The following SORCS2 variants were observed in gnomAD, a reference collection of about 807,000 sequenced individuals.
SORCS2 encodes VPS10 domain-containing receptor SorCS2.
In SORCS2, 100 loss-of-function variants were observed where a neutral mutation model predicts 141.6. The ratio of observed to expected loss-of-function variants is 0.71; its 90% CI spans 0.60 to 0.83. SORCS2 has a LOEUF of 0.83. Among genes scored for constraint, SORCS2 ranks in the 40% least tolerant of loss-of-function variants. The pLI is 0.00. For synonymous variants in SORCS2, 789 were observed against 676.9 expected, an observed-to-expected ratio of 1.17 and a Z score of -2.57; for missense variants, 1,646 against 1,560.2, an observed-to-expected ratio of 1.05 and a Z score of -0.93.
In SORCS2 at chr4:7,547,267, A is replaced by G. The variant is rs2109616976; in HGVS notation, c.648+15638A>G. Among the ~76,000 whole-genome samples, 2 of 152,186 alleles carry G rather than the reference A, an allele frequency of 1.3e-5. 1 individual carries two copies. Among genetic ancestry groups the G allele is most frequent in the South Asian group, 4.2e-4 (2 of 4,818 alleles). ...GCTGCCAGCCCACACTACCTTCGCT[A>G]CTGTCTCCTCTCACCAAGCTGACTC... On this transcript the variant is annotated intron_variant, in intron 3 of 26. Transcript: ENST00000507866.
intron 2 of SORCS2, among the ~76,000 whole-genome samples, chr4:7,411,074 G>C (rs866685014): frequency 7.6e-5 from 11 of 145,280 alleles, no homozygotes; most frequent in Non-Finnish European, 1.3e-4. Flanking sequence ...TCCTACCTCA[G>C]CCTCCCGAGT....
At chr4:7,724,981 G>A (rs1176682879) in intron 19 of SORCS2, among the ~76,000 whole-genome samples, 173 bp from the exon 20 acceptor site, 8 of 135,268 alleles carry the variant, frequency 5.9e-5, no homozygotes, top group Non-Finnish European at 1.1e-4. Context: ...GTGTTGGTGG[G>A]AATGGATGGT....
rs775686720 is a variant in SORCS2 at position 7,726,857 on chromosome 4, C to A, written c.2823C>A (p.Ala941=). ...TGDVRVTVQA[A]CGNSVLQDSR... ...ACGTGCGTGTGACGGTGCAGGCCGC[C>A]TGTGGGAACTCGGTGCTGCAGGACT... The change falls in exon 21 of 27, where the codon GCC becomes GCA. Residue 941 remains alanine (A), a synonymous_variant. Transcript: ENST00000507866. 3 of 1,613,776 alleles carry A rather than the reference C, an allele frequency of 1.9e-6. No homozygotes were observed.
chr4:7,701,928 G>C (rs1158156667), intron 12 of SORCS2, among the ~76,000 whole-genome samples: 1 of 152,152 alleles, frequency 6.6e-6, no homozygotes, highest in African/African-American at 2.4e-5. Context: ...GTGCACATGA[G>C]GCCCCGTTAG....
At chr4:7,615,861 C>G (rs1718726670) in intron 3 of SORCS2, among the ~76,000 whole-genome samples, 1 of 152,234 alleles carries the variant, frequency 6.6e-6, no homozygotes, top group Non-Finnish European at 1.5e-5. Context: ...TCCATTCTCT[C>G]ATAGGGCTGC....
chr4:7,721,739 C>G (rs967648302), intron 18 of SORCS2, among the ~76,000 whole-genome samples: 2 of 152,206 alleles, frequency 1.3e-5, no homozygotes, highest in Admixed American at 1.3e-4. Flanking sequence ...ATTGTCCTGT[C>G]TCTTTCCTGT....
intron 3 of SORCS2, among the ~76,000 whole-genome samples, chr4:7,595,022 A>G (rs1717166186): frequency 6.6e-6 from 1 of 152,070 alleles, no homozygotes; most frequent in Admixed American, 6.5e-5. Flanking sequence ...TTGACTTACT[A>G]TCAGATCCAG....
intron 8 of SORCS2, among the ~76,000 whole-genome samples, chr4:7,668,085 A>G (rs532838190): frequency 6.6e-6 from 1 of 152,350 alleles, no homozygotes; most frequent in South Asian, 2.1e-4. Context: ...CACCAAATAT[A>G]AACCAGAATG....
chr4:7,603,654 TAA>T (rs1717880216), intron 3 of SORCS2, among the ~76,000 whole-genome samples: 1 of 152,234 alleles, frequency 6.6e-6, no homozygotes. Flanking sequence ...TTTGGGGGCC[TAA>T]TTAATTCCTC....
chr4:7,427,365 C>T (rs1453235210), intron 2 of SORCS2, among the ~76,000 whole-genome samples: 1 of 152,122 alleles, frequency 6.6e-6, no homozygotes, highest in Non-Finnish European at 1.5e-5. Flanking sequence ...AGAGCACTGT[C>T]CCTCCCTGGG....
At chr4:7,276,922 T>C (rs1315771554) in intron 1 of SORCS2, among the ~76,000 whole-genome samples, 1 of 152,072 alleles carries the variant, frequency 6.6e-6, no homozygotes. Flanking sequence ...AGGGCCAGGA[T>C]TGGAAGGGAA....
intron 1 of SORCS2, among the ~76,000 whole-genome samples, chr4:7,306,389 C>G (rs12500083): frequency 0.018 from 2,747 of 152,254 alleles, 52 homozygotes; most frequent in Middle Eastern, 0.068. Context: ...AGGATCAGGT[C>G]TGAAGGAGCC....
intron 2 of SORCS2, among the ~76,000 whole-genome samples, chr4:7,492,611 A>G (rs1481186000): frequency 6.6e-6 from 1 of 152,176 alleles, no homozygotes. Flanking sequence ...TCTAATTTTG[A>G]GGAACGTCTG....
At chr4:7,413,890 C>G (rs1725491666) in intron 2 of SORCS2, among the ~76,000 whole-genome samples, 1 of 152,118 alleles carries the variant, frequency 6.6e-6, no homozygotes, top group Non-Finnish European at 1.5e-5. Context: ...TCTGTGTGCC[C>G]TTTTCCTCCT....
intron 2 of SORCS2, among the ~76,000 whole-genome samples, chr4:7,497,746 A>C (rs1394912186): frequency 6.6e-6 from 1 of 152,268 alleles, no homozygotes; most frequent in Non-Finnish European, 1.5e-5. Flanking sequence ...CGGAGGATCC[A>C]CAAGGGTGAG....
chr4:7,366,570 G>C (rs1362030086), intron 1 of SORCS2, among the ~76,000 whole-genome samples: 1 of 147,896 alleles, frequency 6.8e-6, no homozygotes, highest in Non-Finnish European at 1.5e-5. Context: ...CATCAGCCTT[G>C]CTAGTTTCTG....
chr4:7,491,894 C>T (rs903786671), intron 2 of SORCS2, among the ~76,000 whole-genome samples: 4 of 152,340 alleles, frequency 2.6e-5, no homozygotes, highest in South Asian at 2.1e-4. Flanking sequence ...TGTGGGAAGG[C>T]AGACAGCAGG....
At chr4:7,369,117 G>A (rs1722090995) in intron 1 of SORCS2, among the ~76,000 whole-genome samples, 2 of 152,134 alleles carry the variant, frequency 1.3e-5, no homozygotes, top group South Asian at 4.1e-4. Flanking sequence ...GACCAGCCTG[G>A]CTAACATGGT....
intron 19 of SORCS2, among the ~76,000 whole-genome samples, 167 bp from the exon 20 acceptor site, chr4:7,724,980 GGAATGGA>G (rs1727100912): frequency 2.4e-4 from 34 of 140,390 alleles, no homozygotes; most frequent in African/African-American, 8.8e-4. Context: ...AGTGTTGGTG[GGAATGGA>G]TGGTGGTAGT....
Sources: allele counts gnomAD v4.1 joint callset (sites outside exome capture counted in the v4.1 genomes callset), GRCh38; gene constraint gnomAD v4.1.1; transcripts MANE v1.5; gene names NCBI Gene and HGNC (gene_info 2026-07-23, HGNC 2026-07-21).